Variants in TRPV4 observed in about 807,000 individuals in gnomAD.
The protein encoded by TRPV4 is transient receptor potential cation channel subfamily V member 4.
TRPV4 carries 58 observed loss-of-function variants against 84.1 expected under a neutral mutation model. That is an observed-to-expected ratio of 0.69 (90% confidence interval 0.56 to 0.86). The LOEUF is 0.86. Ranked by LOEUF, TRPV4 falls within the 40% of genes least tolerant of loss-of-function variation. The pLI is 0.00. For synonymous variants in TRPV4, 489 were observed against 500.9 expected (o/e 0.98, Z 0.32); for missense variants, 879 against 1,181.1 (o/e 0.74, Z 3.75).
chr12:109,822,367 C>T (rs1040489898), intron 1 of TRPV4, among the ~76,000 whole-genome samples: 1 of 152,168 alleles, frequency 6.6e-6, no homozygotes, highest in Non-Finnish European at 1.5e-5. Flanking sequence ...CAAATAAACA[C>T]AACTGTGAGT....
At chr12:109,789,393 T>G (rs935941722) in intron 12 of TRPV4, among the ~76,000 whole-genome samples, 1 of 152,130 alleles carries the variant, frequency 6.6e-6, no homozygotes, top group Non-Finnish European at 1.5e-5. Flanking sequence ...TCTTGGGGGC[T>G]CTGGAATGCC....
intron 1 of TRPV4, among the ~76,000 whole-genome samples, chr12:109,823,506 C>T (rs1473387232): frequency 6.6e-6 from 1 of 152,154 alleles, no homozygotes; most frequent in African/African-American, 2.4e-5. Flanking sequence ...GTAGGAGCCA[C>T]CAAGAAGCGG....
chr12:109,800,830 T>G (rs1592842739), intron 4 of TRPV4, 72 bp from the exon 5 acceptor site: 11 of 712,084 alleles, frequency 1.5e-5, no homozygotes, highest in African/African-American at 2.9e-5. Context: ...GGGGTGGGGG[T>G]AGGGTGCAGG....
intron 11 of TRPV4, 33 bp downstream of exon 11, chr12:109,792,619 C>T (rs759551200): frequency 6.2e-7 from 1 of 1,613,748 alleles, no homozygotes. Flanking sequence ...CCTCCAGGAA[C>T]ACACGAGTCC....
rs1890240065 is a variant in TRPV4 at position 109,794,271 on chromosome 12, T to C, written c.1491+58A>G. On this transcript the variant is annotated intron_variant, in intron 8 of 15. Coordinates refer to ENST00000261740, the MANE Select transcript of TRPV4 (RefSeq NM_021625.5). The stretch of plus-strand genomic sequence containing the variant: ...CCAGAAGGATGAGGTTGTGCCCCAG[T>C]CCTGCATGGCTCAGCCCAGTGCCTG... The C allele has an allele frequency of 1.0e-5, 16 of 1,598,538 alleles. No individual in the cohort carries two copies. The South Asian group carries it at 1.8e-4, about 18-fold the overall frequency.
At position 109,786,800 on chromosome 12, in the gene TRPV4, G is replaced by C. The variant is rs1555205050; in HGVS notation, c.2246C>G (p.Pro749Arg). ...TTILDIERSFPVFLRKAFRSG... is the reference protein window; with the variant it reads ...TTILDIERSFRVFLRKAFRSG... ...GCGGAAGGCCTTCCTCAGGAATACG[G>C]GGAAGGAGCGCTCAATGTCCAGGAT... Residue 749 changes from proline to arginine, a missense_variant, in exon 14 of 16, where the codon CCC becomes CGC. Coordinates refer to ENST00000261740, the MANE Select transcript of TRPV4 (RefSeq NM_021625.5). The surrounding 1 kb of genome is among the most constrained non-coding windows in gnomAD (Gnocchi z 4.5). The C allele has an allele frequency of 6.2e-7, 1 of 1,614,076 alleles. No homozygotes were observed. Among genetic ancestry groups the C allele is most frequent in the Non-Finnish European group, 8.5e-7 (1 of 1,180,014 alleles).
At chr12:109,822,859 A>G (rs1892145133) in intron 1 of TRPV4, among the ~76,000 whole-genome samples, 1 of 152,262 alleles carries the variant, frequency 6.6e-6, no homozygotes, top group Admixed American at 6.5e-5. Context: ...TGCCTGGTAC[A>G]GAGCATGCAT....
chr12:109,789,657 G>A (rs1204992545), intron 12 of TRPV4, among the ~76,000 whole-genome samples: 1 of 152,208 alleles, frequency 6.6e-6, no homozygotes, highest in Non-Finnish European at 1.5e-5. Flanking sequence ...AGGGAGGGGA[G>A]CATGAAGAAG....
In TRPV4 at chr12:109,783,729, C is replaced by G. The variant is rs201884175; in HGVS notation, c.2508G>C (p.Ser836=). 1 of 1,613,430 alleles carries G rather than the reference C, an allele frequency of 6.2e-7. No individual in the cohort carries two copies. Among genetic ancestry groups the G allele is most frequent in the African/African-American group, 1.3e-5 (1 of 74,784 alleles). The change falls in exon 16 of 16, where the codon TCG becomes TCC. Residue 836 remains serine (S), a synonymous_variant. Transcript: ENST00000261740. The surrounding 1 kb of genome is among the most constrained non-coding windows in gnomAD (Gnocchi z 4.6). ...GAGGCACCACCACCTCGTCCGGGTT[C>G]GAGTTCTTGTTCAGTTCCACCACGC... ...VPRVVELNKN[S]NPDEVVVPLD...
intron 2 of TRPV4, among the ~76,000 whole-genome samples, chr12:109,809,088 T>C (rs1267594668): frequency 7.5e-6 from 1 of 133,740 alleles, no homozygotes; most frequent in Non-Finnish European, 1.6e-5. Flanking sequence ...CACTCATCCA[T>C]CCATCCATCC....
At position 109,783,755 on chromosome 12, in the gene TRPV4, G is replaced by A. The variant is rs1467984181; in HGVS notation, c.2482C>T (p.Arg828Cys). Residue 828 changes from arginine (R) to cysteine (C), a missense_variant, in exon 16 of 16, where the codon CGC becomes TGC. By Grantham distance (180) the Arg-to-Cys change is radical (BLOSUM62 -3). Transcript: ENST00000261740. The surrounding 1 kb of genome is among the most constrained non-coding windows in gnomAD (Gnocchi z 4.6). ...GAGTTCTTGTTCAGTTCCACCACGC[G>A]GGGTACCACCGAGGACCAGCGATCT... ...RRDRWSSVVPRVVELNKNSNP... is the reference protein window; with the variant it reads ...RRDRWSSVVPCVVELNKNSNP... 1.4e-5 allele frequency: 22 copies of A among 1,612,998 alleles called. No individual in the cohort carries two copies. Among genetic ancestry groups the A allele is most frequent in the African/African-American group, 1.3e-5 (1 of 74,846 alleles).
rs1890271258 is a variant in TRPV4, at chr12:109,794,570, C to A, written c.1333-83G>T. 2.1e-6 allele frequency: 3 copies of A among 1,415,030 alleles called. No individual in the cohort carries two copies. In the African/African-American group the frequency reaches 4.2e-5, roughly 20 times the overall value. 87.7% of individuals were successfully genotyped at this position (1,415,030 alleles called of 1,614,324 possible). A position where few individuals can be genotyped will look rare whatever the true frequency, so the allele number is the denominator to read the frequency against. ...AGGCTGCCTCGGGTGTGCCTTCCCCCACCCTCCACCCGGACAGCGCTTTCT... is the reference window on the plus strand; with the variant it reads ...AGGCTGCCTCGGGTGTGCCTTCCCCAACCCTCCACCCGGACAGCGCTTTCT... On this transcript the variant is annotated intron_variant, in intron 7 of 15. Coordinates refer to ENST00000261740, the MANE Select transcript of TRPV4 (RefSeq NM_021625.5).
chr12:109,798,784 G>A lies in TRPV4; in HGVS notation c.982C>T (p.Leu328=). ...CGGGTGTTGTCAGCAATGGCCACCAGCGCATGCAGCACTGTGTTGCCTCGC... is the reference window on the plus strand; with the variant it reads ...CGGGTGTTGTCAGCAATGGCCACCAACGCATGCAGCACTGTGTTGCCTCGC... ...DSRGNTVLHA[L]VAIADNTREN... is the part of the protein sequence containing the mutation. The change falls in exon 6 of 16, where the codon CTG becomes TTG. Residue 328 remains leucine, a synonymous_variant. Coordinates refer to ENST00000261740, the MANE Select transcript of TRPV4 (RefSeq NM_021625.5). The surrounding 1 kb of genome is among the most constrained non-coding windows in gnomAD (Gnocchi z 5.0). The A allele has an allele frequency of 6.2e-7, 1 of 1,614,224 alleles. No individual in the cohort carries two copies. The highest frequency in any genetic ancestry group is 8.5e-7 in the Non-Finnish European group (1 of 1,180,050).
chr12:109,820,333 C>G (rs1892042008), intron 1 of TRPV4, among the ~76,000 whole-genome samples: 1 of 151,990 alleles, frequency 6.6e-6, no homozygotes, highest in African/African-American at 2.4e-5. Flanking sequence ...CCTTTCTGCC[C>G]TAGACAGAGA....
Position 109,786,752 on chromosome 12 carries a change from C to T in TRPV4, c.2294G>A (p.Gly765Asp). The change falls in exon 14 of 16, where the codon GGC becomes GAC. Residue 765 changes from glycine (G) to aspartate (D), a missense_variant. Gly to Asp is a moderately conservative substitution (Grantham distance 94). Coordinates refer to ENST00000261740, the MANE Select transcript of TRPV4 (RefSeq NM_021625.5). This position sits in a 1 kb window ranked among gnomAD's most constrained non-coding sequence, Gnocchi z 4.5. ...GTCAGGAGTGCCGTCCGAGCTCTTG[C>T]CCACGGTGACCATCTCCCCAGAGCG... The part of the protein sequence containing the change: ...AFRSGEMVTV[G>D]KSSDGTPDRR... 6.2e-7 allele frequency: 1 copy of T among 1,613,998 alleles called. No individual in the cohort carries two copies. The highest frequency in any genetic ancestry group is 8.5e-7 in the Non-Finnish European group (1 of 1,180,030).
intron 1 of TRPV4, among the ~76,000 whole-genome samples, chr12:109,829,687 T>G (rs188880857): frequency 2.6e-4 from 39 of 152,248 alleles, no homozygotes; most frequent in African/African-American, 9.1e-4. Context: ...CCCTGCAAAG[T>G]GGGATGAGAG....
At chr12:109,812,145 C>T (rs554398839) in intron 2 of TRPV4, among the ~76,000 whole-genome samples, 4 of 152,138 alleles carry the variant, frequency 2.6e-5, no homozygotes, top group Admixed American at 1.3e-4. Flanking sequence ...AAACAGAACC[C>T]GGGATGTCTG....
At position 109,796,445 on chromosome 12, in the gene TRPV4, C is replaced by T. The variant is rs547180355; in HGVS notation, c.1332+80G>A. ...TCCTAGAGGCTGGGGCTGTCTCCCC[C>T]AGCCCAGCCCCAGGGCCCTGTCCCT... On this transcript the variant is annotated intron_variant, in intron 7 of 15. Transcript: ENST00000261740. This position sits in a 1 kb window ranked among gnomAD's most constrained non-coding sequence, Gnocchi z 4.2. The T allele has an allele frequency of 2.6e-6, 4 of 1,551,216 alleles. No homozygotes were observed. Among genetic ancestry groups the T allele is most frequent in the South Asian group, 2.3e-5 (2 of 87,710 alleles).
chr12:109,798,734 C>G lies in TRPV4; in HGVS notation c.1032G>C (p.Lys344Asn). 6.2e-7 allele frequency: 1 copy of G among 1,614,166 alleles called. No individual in the cohort carries two copies. The highest frequency in any genetic ancestry group is 8.5e-7 in the Non-Finnish European group (1 of 1,180,046). Residue 344 changes from lysine to asparagine, a missense_variant, in exon 6 of 16, where the codon AAG becomes AAC. Lys to Asn is a moderately conservative substitution (Grantham distance 94). Around this residue, in one of 4 missense-constraint regions of TRPV4, gnomAD observed 521 missense variants for 686.6 expected, o/e 0.76. Transcript: ENST00000261740. This position sits in a 1 kb window ranked among gnomAD's most constrained non-coding sequence, Gnocchi z 5.0. Reference protein sequence around the residue: ...NTRENTKFVTKMYDLLLLKCA... With the variant: ...NTRENTKFVTNMYDLLLLKCA... ...ACTTGAGCAGCAGCAGGTCGTACAT[C>G]TTGGTAACAAACTTGGTGTTCTCAC... is the stretch of plus-strand genomic sequence containing the variant.
Sources: allele counts gnomAD v4.1 joint callset (sites outside exome capture counted in the v4.1 genomes callset), GRCh38; gene constraint gnomAD v4.1.1; regional missense constraint gnomAD v4.1.1; non-coding constraint Gnocchi (gnomAD v3.1); transcripts MANE v1.5; gene names NCBI Gene and HGNC (gene_info 2026-07-23, HGNC 2026-07-21).